Variants in FHOD3 observed in about 807,000 individuals in gnomAD.
FHOD3 encodes formin homology 2 domain containing 3.
A neutral mutation model predicts 173.0 loss-of-function variants in FHOD3; 90 were observed. The observed-to-expected ratio is 0.52, with a 90% CI of 0.44 to 0.62. The LOEUF is 0.62. Among genes scored for constraint, FHOD3 ranks in the 20% least tolerant of loss-of-function variants. FHOD3 has a pLI of 0.00. For synonymous variants in FHOD3, 828 were observed against 823.0 expected (o/e 1.01, Z -0.10); for missense variants, 1,945 against 2,034.7 (o/e 0.96, Z 0.85).
intron 25 of FHOD3, among the ~76,000 whole-genome samples, chr18:36,756,591 G>A (rs980085668): frequency 6.6e-6 from 1 of 152,148 alleles, no homozygotes; most frequent in Non-Finnish European, 1.5e-5. Flanking sequence ...CCAAGCAGAG[G>A]GCACTTGGTT....
chr18:36,517,447 C>T (rs1192006101), intron 5 of FHOD3, among the ~76,000 whole-genome samples: 1 of 152,072 alleles, frequency 6.6e-6, no homozygotes, highest in African/African-American at 2.4e-5. Context: ...TGCTGAATTG[C>T]ATGTGTCTTG....
chr18:36,569,588 C>G (rs2147857023), intron 5 of FHOD3, among the ~76,000 whole-genome samples: 1 of 152,212 alleles, frequency 6.6e-6, no homozygotes, highest in Non-Finnish European at 1.5e-5. Context: ...CCAAATAGTT[C>G]TAATTGACAT....
chr18:36,562,371 A>G (rs2058118593), intron 5 of FHOD3, among the ~76,000 whole-genome samples: 1 of 152,226 alleles, frequency 6.6e-6, no homozygotes, highest in African/African-American at 2.4e-5. Flanking sequence ...GAGGTCTATA[A>G]TAAAGGAATT....
chr18:36,589,720 A>G (rs1212568164), intron 6 of FHOD3, among the ~76,000 whole-genome samples: 1 of 152,170 alleles, frequency 6.6e-6, no homozygotes, highest in Non-Finnish European at 1.5e-5. Context: ...GAGACAGCGA[A>G]TCTACTCCCT....
At chr18:36,633,821 T>A (rs2148890215) in intron 10 of FHOD3, among the ~76,000 whole-genome samples, 1 of 152,330 alleles carries the variant, frequency 6.6e-6, no homozygotes, top group East Asian at 1.9e-4. Flanking sequence ...AGCTGTATTG[T>A]TTTTTAGTCA....
chr18:36,485,211 T>G (rs1247787606), intron 3 of FHOD3, among the ~76,000 whole-genome samples: 2 of 152,216 alleles, frequency 1.3e-5, no homozygotes, highest in Admixed American at 6.5e-5. Flanking sequence ...TTGGTTCACA[T>G]TCTCTGCCTG....
chr18:36,345,615 A>G (rs1265389262), intron 1 of FHOD3, among the ~76,000 whole-genome samples: 1 of 152,156 alleles, frequency 6.6e-6, no homozygotes, highest in Non-Finnish European at 1.5e-5. Flanking sequence ...CTTTTAAAAA[A>G]TTTTTAGTAG....
chr18:36,444,663 A>G (rs2051361464), intron 3 of FHOD3, among the ~76,000 whole-genome samples: 1 of 151,686 alleles, frequency 6.6e-6, no homozygotes, highest in African/African-American at 2.4e-5. Flanking sequence ...ATATTTTCTC[A>G]TTGCCTTTTT....
chr18:36,402,439 T>C (rs182083555), intron 3 of FHOD3, among the ~76,000 whole-genome samples: 36 of 152,096 alleles, frequency 2.4e-4, no homozygotes, highest in Admixed American at 1.4e-3. Flanking sequence ...TATTTTATCA[T>C]AGTATGTAAT....
chr18:36,602,198 A>G (rs965279960), intron 7 of FHOD3, among the ~76,000 whole-genome samples: 2 of 152,182 alleles, frequency 1.3e-5, no homozygotes, highest in African/African-American at 2.4e-5. Context: ...TAGATGTAAT[A>G]TACTTCCGTT....
intron 1 of FHOD3, among the ~76,000 whole-genome samples, chr18:36,337,941 T>G (rs2045409510): frequency 6.6e-6 from 1 of 152,180 alleles, no homozygotes; most frequent in Admixed American, 6.5e-5. Context: ...TCTGGGACTC[T>G]GAGGATCTTA....
intron 16 of FHOD3, among the ~76,000 whole-genome samples, chr18:36,691,841 G>T (rs1436431894): frequency 1.3e-5 from 2 of 152,242 alleles, no homozygotes; most frequent in African/African-American, 4.8e-5. Flanking sequence ...CAAATGCAAG[G>T]CACCGAGGGA....
At chr18:36,442,263 A>G (rs937400671) in intron 3 of FHOD3, among the ~76,000 whole-genome samples, 1 of 152,134 alleles carries the variant, frequency 6.6e-6, no homozygotes, top group African/African-American at 2.4e-5. Flanking sequence ...AAAATAGCCT[A>G]TGGAGGCTAG....
At chr18:36,660,772 G>A (rs1182356258) in intron 14 of FHOD3, among the ~76,000 whole-genome samples, 1 of 152,190 alleles carries the variant, frequency 6.6e-6, no homozygotes, top group Non-Finnish European at 1.5e-5. Context: ...GCAGTCCTTG[G>A]CTTGAAGAAG....
intron 14 of FHOD3, among the ~76,000 whole-genome samples, chr18:36,664,356 C>A (rs576031702): frequency 1.3e-5 from 2 of 152,068 alleles, no homozygotes; most frequent in Non-Finnish European, 2.9e-5. Context: ...CCTTGGACTG[C>A]GCAGAAGCAG....
intron 3 of FHOD3, among the ~76,000 whole-genome samples, chr18:36,395,558 T>C (rs1160138984): frequency 6.6e-6 from 1 of 152,194 alleles, no homozygotes; most frequent in African/African-American, 2.4e-5. Flanking sequence ...ATAATAATTC[T>C]AAGATGGTAT....
At chr18:36,310,889 A>T (rs530418594) in intron 1 of FHOD3, among the ~76,000 whole-genome samples, 67 of 152,056 alleles carry the variant, frequency 4.4e-4, no homozygotes, top group African/African-American at 1.5e-3. Context: ...GTGGGTGAAG[A>T]TAGCCCCCTG....
At chr18:36,556,466 G>A (rs2057889484) in intron 5 of FHOD3, among the ~76,000 whole-genome samples, 1 of 152,112 alleles carries the variant, frequency 6.6e-6, no homozygotes. Flanking sequence ...GCATCCATGG[G>A]TGATCAGAGA....
At chr18:36,501,156 G>A (rs1384755872) in intron 3 of FHOD3, among the ~76,000 whole-genome samples, 1 of 152,168 alleles carries the variant, frequency 6.6e-6, no homozygotes, top group African/African-American at 2.4e-5. Flanking sequence ...GCTCAACAGT[G>A]GGCTTATGGA....
Sources: allele counts gnomAD v4.1 joint callset (sites outside exome capture counted in the v4.1 genomes callset), GRCh38; gene constraint gnomAD v4.1.1; transcripts MANE v1.5; gene names NCBI Gene and HGNC (gene_info 2026-07-23, HGNC 2026-07-21).